SPATA2L: variants seen among roughly 807,000 people sequenced by gnomAD.
SPATA2L encodes the protein spermatogenesis associated 2 like.
A neutral mutation model predicts 8.7 loss-of-function variants in SPATA2L; 5 were observed. The ratio of observed to expected loss-of-function variants is 0.57; its 90% CI spans 0.30 to 1.21. The LOEUF is 1.21. Among genes scored for constraint, SPATA2L ranks in the 50% most tolerant of loss-of-function variants. The pLI, the probability that SPATA2L is intolerant of heterozygous loss-of-function variation, is 0.07. For missense variants in SPATA2L, 671 were observed against 591.0 expected, an observed-to-expected ratio of 1.14 and a Z score of -1.40; for synonymous variants, 358 against 275.8, an observed-to-expected ratio of 1.30 and a Z score of -2.95.
intron 2 of SPATA2L, among the ~76,000 whole-genome samples, chr16:89,700,592 T>G (rs2151611902): frequency 6.6e-6 from 1 of 152,314 alleles, no homozygotes; most frequent in South Asian, 2.1e-4. Flanking sequence ...GGAATTAGGA[T>G]GACCATGGGA....
chr16:89,698,004 C>G lies in SPATA2L; in HGVS notation c.605G>C (p.Arg202Pro). The G allele has an allele frequency of 6.2e-7, 1 of 1,600,834 alleles. No individual in the cohort carries two copies. Among genetic ancestry groups the G allele is most frequent in the Non-Finnish European group, 8.5e-7 (1 of 1,177,436 alleles). The change falls in exon 3 of 3, where the codon CGG becomes CCG. Residue 202 changes from arginine to proline, a missense_variant. By Grantham distance (103) the Arg-to-Pro change is moderately radical. Transcript: ENST00000289805. ...TGGCGGCTCCTCATCCTGGGCCAGC[C>G]GCTGCTGCAGCCAGGCCACACAGGA... is the stretch of plus-strand genomic sequence containing the variant. ...VASCVAWLQQRLAQDEEPPPL... is the reference protein window; with the variant it reads ...VASCVAWLQQPLAQDEEPPPL...
chr16:89,700,215 G>A, intron 2 of SPATA2L, among the ~76,000 whole-genome samples: 1 of 152,214 alleles, frequency 6.6e-6, no homozygotes, highest in Non-Finnish European at 1.5e-5. Context: ...CCTCAAGGGC[G>A]GGCCTGTCCG....
chr16:89,697,739 G>T lies in SPATA2L; in HGVS notation c.870C>A (p.Ser290Arg), dbSNP rs1378804451. The T allele has an allele frequency of 1.2e-6, 2 of 1,607,962 alleles. No individual in the cohort carries two copies. Among genetic ancestry groups the T allele is most frequent in the African/African-American group, 2.7e-5 (2 of 74,868 alleles). ...CCTCCTCCAAGGCCCCATATGGTGG[G>T]CTGCTGGCCTGCGGCAGCTCCTCAG... ...PPAEELPQASSPPYGALEEGL... is the reference protein window; with the variant it reads ...PPAEELPQASRPPYGALEEGL... Residue 290 changes from serine to arginine, a missense_variant, in exon 3 of 3, where the codon AGC (serine) becomes AGA (arginine). Transcript: ENST00000289805.
intron 2 of SPATA2L, among the ~76,000 whole-genome samples, chr16:89,700,298 G>A (rs966203689): frequency 6.6e-6 from 1 of 152,218 alleles, no homozygotes; most frequent in South Asian, 2.1e-4. Context: ...AGAGACTGCC[G>A]CTGCCATGGC....
At position 89,697,977 on chromosome 16, in the gene SPATA2L, G is replaced by A. The variant is rs117078900; in HGVS notation, c.632C>T (p.Pro211Leu). The change falls in exon 3 of 3, where the codon CCC becomes CTC. Residue 211 changes from proline (P) to leucine (L), a missense_variant. Pro to Leu is a moderately conservative substitution (Grantham distance 98, BLOSUM62 -3). Coordinates refer to ENST00000289805, the MANE Select transcript of SPATA2L (RefSeq NM_152339.4). ...QRLAQDEEPP[P>L]LPPRGSPAAY... ...AGCAGGGGAGCCTCGGGGGGGCAGG[G>A]GTGGCGGCTCCTCATCCTGGGCCAG... 6 of 1,604,640 alleles carry A rather than the reference G, an allele frequency of 3.7e-6. No individual in the cohort carries two copies. In the East Asian group the frequency reaches 1.3e-4, roughly 36 times the overall value.
In SPATA2L at chr16:89,696,529, C is replaced by G; in HGVS notation, c.*805G>C. ...ACCCTGCCCTCTCCCTCGCCAGACC[C>G]GAGGGTAGGGCAGAGGCACCTCCTC... is the stretch of plus-strand genomic sequence containing the variant. On this transcript the variant is annotated 3_prime_UTR_variant, in exon 3 of 3. Coordinates refer to ENST00000289805, the MANE Select transcript of SPATA2L (RefSeq NM_152339.4). 2 of 434,710 alleles carry G rather than the reference C, an allele frequency of 4.6e-6. No individual in the cohort carries two copies. The highest frequency in any genetic ancestry group is 8.2e-6 in the Non-Finnish European group (2 of 242,748). 26.9% of individuals were successfully genotyped at this position (434,710 alleles called of 1,614,324 possible).
Position 89,697,199 on chromosome 16 carries a change from C to G in SPATA2L, c.*135G>C. On this transcript the variant is annotated 3_prime_UTR_variant, in exon 3 of 3. Coordinates refer to ENST00000289805, the MANE Select transcript of SPATA2L (RefSeq NM_152339.4). ...AGTCCCACCTCCAGCAAGGGTTGGCCTGGACTCTCCAACCCCCTGCTGTGC... is the reference window on the plus strand; with the variant it reads ...AGTCCCACCTCCAGCAAGGGTTGGCGTGGACTCTCCAACCCCCTGCTGTGC... 2 of 1,389,276 alleles carry G rather than the reference C, an allele frequency of 1.4e-6. No homozygotes were observed. Among genetic ancestry groups the G allele is most frequent in the Non-Finnish European group, 1.9e-6 (2 of 1,074,764 alleles). 86.1% of individuals were successfully genotyped at this position (1,389,276 alleles called of 1,614,324 possible).
At chr16:89,701,423 AC>A in intron 1 of SPATA2L, 190 bp from the exon 2 acceptor site, 1 of 490,694 alleles carries the variant, frequency 2.0e-6, no homozygotes, top group Non-Finnish European at 3.4e-6. Context: ...CTGCCCGCCC[AC>A]CCAGCGATCC....
Position 89,697,053 on chromosome 16 carries a change from G to A in SPATA2L, c.*281C>T, listed in dbSNP as rs1013221578. ...ACAGGTTCAGGCACTGGCTGGAACA[G>A]GCTGGACCCCTCTACCCAGCACATG... On this transcript the variant is annotated 3_prime_UTR_variant, in exon 3 of 3. Transcript: ENST00000289805. The A allele has an allele frequency of 1.4e-6, 2 of 1,406,446 alleles. No individual in the cohort carries two copies. Among genetic ancestry groups the A allele is most frequent in the Admixed American group, 5.8e-5 (2 of 34,350 alleles). 87.1% of individuals were successfully genotyped at this position (1,406,446 alleles called of 1,614,324 possible). A position where few individuals can be genotyped will look rare whatever the true frequency, so the allele number is the denominator to read the frequency against.
rs748763520 is a variant in SPATA2L, at chr16:89,697,142, C to T, written c.*192G>A. 1.7e-4 allele frequency: 234 copies of T among 1,376,224 alleles called. No homozygotes were observed. Among genetic ancestry groups the T allele is most frequent in the Non-Finnish European group, 2.0e-4 (209 of 1,067,272 alleles). 85.3% of individuals were successfully genotyped at this position (1,376,224 alleles called of 1,614,324 possible). A position where few individuals can be genotyped will look rare whatever the true frequency, so the allele number is the denominator to read the frequency against. The stretch of plus-strand genomic sequence containing the variant: ...AAAGGCTCCTGCTGGCCGGCTTAGG[C>T]CTGCTGCCCTTGGAGCCTTCCATAT... On this transcript the variant is annotated 3_prime_UTR_variant, in exon 3 of 3. Transcript: ENST00000289805.
Position 89,697,173 on chromosome 16 carries a change from G to C in SPATA2L, c.*161C>G. Reference sequence around the variant, plus strand: ...GCCCTTGGAGCCTTCCATATACAGAGAGTCCCACCTCCAGCAAGGGTTGGC... The same window carrying C: ...GCCCTTGGAGCCTTCCATATACAGACAGTCCCACCTCCAGCAAGGGTTGGC... On this transcript the variant is annotated 3_prime_UTR_variant, in exon 3 of 3. Coordinates refer to ENST00000289805, the MANE Select transcript of SPATA2L (RefSeq NM_152339.4). 3 of 1,377,662 alleles carry C rather than the reference G, an allele frequency of 2.2e-6. No homozygotes were observed. The highest frequency in any genetic ancestry group is 2.8e-6 in the Non-Finnish European group (3 of 1,068,234). The allele number at this position is 1,377,662 out of a possible 1,614,324, so 85.3% of individuals were successfully genotyped here. A position where few individuals can be genotyped will look rare whatever the true frequency, so the allele number is the denominator to read the frequency against.
rs1597889775 is a variant in SPATA2L, at chr16:89,698,179, G to A, written c.430C>T (p.Pro144Ser). 1 of 1,612,636 alleles carries A rather than the reference G, an allele frequency of 6.2e-7. No individual in the cohort carries two copies. Among genetic ancestry groups the A allele is most frequent in the Non-Finnish European group, 8.5e-7 (1 of 1,179,800 alleles). Residue 144 changes from proline (P) to serine (S), a missense_variant, in exon 3 of 3, where the codon CCC (proline) becomes TCC (serine). Transcript: ENST00000289805. ...GCCACCTGCACCAGCTGGCAGGCGG[G>A]GGGCAGGGCGGTCACCATGAGCCGA... is the stretch of plus-strand genomic sequence containing the variant. ...SHRLMVTALP[P>S]ACQLVQVALG...
chr16:89,699,514 C>T (rs953659424), intron 2 of SPATA2L, among the ~76,000 whole-genome samples: 7 of 151,928 alleles, frequency 4.6e-5, no homozygotes, highest in African/African-American at 1.7e-4. Context: ...TGTCCATGCA[C>T]TGGGCTGACA....
chr16:89,700,287 G>A (rs933720963), intron 2 of SPATA2L, among the ~76,000 whole-genome samples: 2 of 152,246 alleles, frequency 1.3e-5, no homozygotes, highest in African/African-American at 4.8e-5. Flanking sequence ...GGGAGCCGCG[G>A]AGAGACTGCC....
intron 1 of SPATA2L, 178 bp from the exon 2 acceptor site, chr16:89,701,411 A>G (rs1462496866): frequency 1.9e-6 from 1 of 532,024 alleles, no homozygotes; most frequent in Non-Finnish European, 3.1e-6. Context: ...CGGCCCCATC[A>G]GCTGCCCGCC....
intron 2 of SPATA2L, among the ~76,000 whole-genome samples, chr16:89,698,977 G>C (rs781589890): frequency 6.6e-6 from 1 of 151,442 alleles, no homozygotes; most frequent in Admixed American, 6.6e-5. Context: ...TAGTAGAGAC[G>C]GGGTTTCACC....
rs894956148 is a variant in SPATA2L at position 89,699,105 on chromosome 16, G to A, written c.304-800C>T. On this transcript the variant is annotated intron_variant, in intron 2 of 2. Coordinates refer to ENST00000289805, the MANE Select transcript of SPATA2L (RefSeq NM_152339.4). The stretch of plus-strand genomic sequence containing the variant: ...CTGGCCGAATTTCTTAAATTTAATG[G>A]AAAAAACAATGAATACATTAACCTA... 3.3e-5 allele frequency among the ~76,000 whole-genome samples: 5 copies of A among 152,038 alleles called. No homozygotes were observed. The East Asian group carries it at 9.7e-4, about 29-fold the overall frequency.
Position 89,700,905 on chromosome 16 carries a change from G to GC in SPATA2L, c.303+24dup. 3 of 1,414,868 alleles carry GC rather than the reference G, an allele frequency of 2.1e-6. No individual in the cohort carries two copies. The South Asian group carries it at 4.6e-5, about 22-fold the overall frequency. 87.6% of individuals were successfully genotyped at this position (1,414,868 alleles called of 1,614,324 possible). ...CGACCCGCAGGCCAGGACGAGGGGC[G>GC]CGCTCCTCCTGGCCTGGCGCCTACC... On this transcript the variant is annotated intron_variant, in intron 2 of 2. Coordinates refer to ENST00000289805, the MANE Select transcript of SPATA2L (RefSeq NM_152339.4).
Position 89,700,797 on chromosome 16 carries a change from G to A in SPATA2L, c.303+133C>T, listed in dbSNP as rs956707675. The A allele has an allele frequency of 7.8e-6, 8 of 1,029,232 alleles. No individual in the cohort carries two copies. In the Admixed American group the frequency reaches 1.1e-4, roughly 14 times the overall value. 63.8% of individuals were successfully genotyped at this position (1,029,232 alleles called of 1,614,324 possible). A position where few individuals can be genotyped will look rare whatever the true frequency, so the allele number is the denominator to read the frequency against. ...CGCCCACGACCCCTCAGCGCTCGGA[G>A]CCTTGAGGAGCCCACCAGGCACTGA... is the stretch of plus-strand genomic sequence containing the variant. On this transcript the variant is annotated intron_variant, in intron 2 of 2. Coordinates refer to ENST00000289805, the MANE Select transcript of SPATA2L (RefSeq NM_152339.4).
Sources: gnomAD v4.1 joint callset for allele counts (sites outside exome capture counted in the v4.1 genomes callset) on GRCh38, gnomAD v4.1.1 for gene constraint, MANE v1.5 for transcripts, NCBI Gene and HGNC (gene_info 2026-07-23, HGNC 2026-07-21) for gene names.